Variants in NUMB observed in about 807,000 individuals in gnomAD.
NUMB encodes protein numb homolog.
NUMB carries 29 observed loss-of-function variants against 59.7 expected under a neutral mutation model. The observed-to-expected ratio is 0.49, with a 90% CI of 0.36 to 0.66. The LOEUF is 0.66. Among genes scored for constraint, NUMB ranks in the 30% least tolerant of loss-of-function variants. The pLI is 0.00. For missense variants in NUMB, 723 were observed against 822.0 expected (o/e 0.88, Z 1.47); for synonymous variants, 288 against 288.2 (o/e 1.00, Z 0.01).
At chr14:73,391,089 A>C (rs1043583807) in intron 2 of NUMB, among the ~76,000 whole-genome samples, 1 of 151,972 alleles carries the variant, frequency 6.6e-6, no homozygotes, top group East Asian at 1.9e-4. Context: ...TTTTTCTGCT[A>C]TATTAGATAC....
At chr14:73,401,300 G>T (rs1896399436) in intron 2 of NUMB, among the ~76,000 whole-genome samples, 1 of 151,988 alleles carries the variant, frequency 6.6e-6, no homozygotes, top group African/African-American at 2.4e-5. Flanking sequence ...GAAAGGCTGT[G>T]GGTTTGTGGG....
At chr14:73,340,819 C>T (rs1346308061) in intron 4 of NUMB, among the ~76,000 whole-genome samples, 1 of 152,140 alleles carries the variant, frequency 6.6e-6, no homozygotes, top group African/African-American at 2.4e-5. Flanking sequence ...CTCTGTGTCC[C>T]CACTGAAATC....
At chr14:73,278,058 A>AAAG (rs1555367154) in intron 12 of NUMB, among the ~76,000 whole-genome samples, 1 of 150,572 alleles carries the variant, frequency 6.6e-6, no homozygotes, top group East Asian at 1.9e-4. Flanking sequence ...AAAAAAAAAA[A>AAAG]AAAAAAAAAA....
At chr14:73,404,936 T>A (rs1896589862) in intron 2 of NUMB, among the ~76,000 whole-genome samples, 1 of 152,090 alleles carries the variant, frequency 6.6e-6, no homozygotes, top group African/African-American at 2.4e-5. Flanking sequence ...AATTTTTATA[T>A]TTTCAGTAGA....
At chr14:73,350,574 G>T (rs1294453425) in intron 4 of NUMB, among the ~76,000 whole-genome samples, 2 of 151,156 alleles carry the variant, frequency 1.3e-5, no homozygotes, top group African/African-American at 2.4e-5. Context: ...TTGAGACAGG[G>T]TCTCGCTCTG....
chr14:73,278,830 C>A (rs768197517), intron 12 of NUMB, among the ~76,000 whole-genome samples: 1 of 145,090 alleles, frequency 6.9e-6, no homozygotes, highest in Non-Finnish European at 1.5e-5. Context: ...CAGGTTCAAG[C>A]GATTCTCCTG....
intron 1 of NUMB, among the ~76,000 whole-genome samples, chr14:73,424,615 A>T (rs1897501891): frequency 2.0e-5 from 3 of 152,208 alleles, no homozygotes; most frequent in Admixed American, 2.0e-4. Context: ...GGAAAAAAGG[A>T]AGTGGCATGT....
intron 4 of NUMB, among the ~76,000 whole-genome samples, chr14:73,323,432 A>G (rs1184017946): frequency 6.6e-6 from 1 of 152,248 alleles, no homozygotes; most frequent in Non-Finnish European, 1.5e-5. Flanking sequence ...CAGATAATGT[A>G]ACTTTACATA....
At chr14:73,372,541 C>T (rs1010682120) in intron 2 of NUMB, among the ~76,000 whole-genome samples, 2 of 149,974 alleles carry the variant, frequency 1.3e-5, no homozygotes, top group African/African-American at 4.9e-5. Context: ...TTAAAAACCA[C>T]AACTTCCAAT....
At chr14:73,411,461 C>T (rs556277895) in intron 1 of NUMB, among the ~76,000 whole-genome samples, 1 of 152,184 alleles carries the variant, frequency 6.6e-6, no homozygotes, top group Admixed American at 6.6e-5. Flanking sequence ...GCTCACACAC[C>T]TTCCAGGAGA....
intron 2 of NUMB, among the ~76,000 whole-genome samples, chr14:73,388,997 G>C (rs1261402306): frequency 2.0e-5 from 3 of 151,812 alleles, no homozygotes; most frequent in Admixed American, 2.0e-4. Context: ...TACCAGAGAG[G>C]CTGCGGCAGA....
Position 73,326,708 on chromosome 14 carries a change from GCCTGAGA to G in NUMB, c.127-3511_127-3505del, listed in dbSNP as rs149850776. 6.8e-3 allele frequency among the ~76,000 whole-genome samples: 1,035 copies of G among 152,186 alleles called. 4 individuals are homozygous for G. Among genetic ancestry groups the G allele is most frequent in the South Asian group, 0.03 (143 of 4,808 alleles). On this transcript the variant is annotated intron_variant, in intron 4 of 12. Coordinates refer to ENST00000555238, the MANE Select transcript of NUMB (RefSeq NM_001005743.2). ...CACAGAAAGTGAGTAAGAACTTGTA[GCCTGAGA>G]CCTAACTGGACTGACTGGCATAGGA... is the stretch of plus-strand genomic sequence containing the variant.
intron 1 of NUMB, among the ~76,000 whole-genome samples, chr14:73,419,155 G>A (rs541986110): frequency 2.0e-5 from 3 of 152,194 alleles, no homozygotes; most frequent in South Asian, 4.1e-4. Flanking sequence ...AAATTCCTAC[G>A]TAAATTATCT....
rs1893429441 is a variant in NUMB, at chr14:73,352,513, TATATATATATATA to T, written c.126+3100_126+3112del. 1.3e-3 allele frequency among the ~76,000 whole-genome samples: 32 copies of T among 23,928 alleles called. 4 individuals are homozygous for T. The highest frequency in any genetic ancestry group is 2.0e-3 in the Non-Finnish European group (26 of 13,056). The allele number at this position is 23,928 out of a possible 152,430, so 15.7% of individuals were successfully genotyped here. A position where few individuals can be genotyped will look rare whatever the true frequency, so the allele number is the denominator to read the frequency against. ...ATATATATATATATATATATATATATATATATATATATATATGTTTTTTTTTTTTTTTTTTTTT... is the reference window on the plus strand; with the variant it reads ...ATATATATATATATATATATATATATTATGTTTTTTTTTTTTTTTTTTTTT... On this transcript the variant is annotated intron_variant, in intron 4 of 12. Transcript: ENST00000555238.
chr14:73,440,922 G>A (rs1331713395), intron 1 of NUMB, among the ~76,000 whole-genome samples: 1 of 144,122 alleles, frequency 6.9e-6, no homozygotes, highest in East Asian at 2.0e-4. Flanking sequence ...AACACAGGGA[G>A]ATCCCTGTGT....
intron 1 of NUMB, among the ~76,000 whole-genome samples, chr14:73,432,267 C>T (rs1897866350): frequency 6.6e-6 from 1 of 151,914 alleles, no homozygotes; most frequent in Non-Finnish European, 1.5e-5. Flanking sequence ...GGCTTCACCA[C>T]ACTAGATATC....
rs551591893 is a variant in NUMB, at chr14:73,276,271, T to G, written c.*307A>C. 3.4e-6 allele frequency: 1 copy of G among 289,980 alleles called. No individual in the cohort carries two copies. The highest frequency in any genetic ancestry group is 6.5e-5 in the South Asian group (1 of 15,456). 18.0% of individuals were successfully genotyped at this position (289,980 alleles called of 1,614,324 possible). Reference sequence around the variant, plus strand: ...TCAGTAAATGTGCTTGGAATATAGATTCTTGTTCAGATACTTTGCCTCTCT... The same window carrying G: ...TCAGTAAATGTGCTTGGAATATAGAGTCTTGTTCAGATACTTTGCCTCTCT... On this transcript the variant is annotated 3_prime_UTR_variant, in exon 13 of 13. Coordinates refer to ENST00000555238, the MANE Select transcript of NUMB (RefSeq NM_001005743.2).
intron 4 of NUMB, among the ~76,000 whole-genome samples, chr14:73,352,454 AC>A (rs2140007508): frequency 3.9e-5 from 1 of 25,620 alleles, no homozygotes; most frequent in South Asian, 1.4e-3. Context: ...ACACACACAC[AC>A]ACATACACAC....
intron 1 of NUMB, among the ~76,000 whole-genome samples, chr14:73,429,380 T>C (rs550477100): frequency 6.6e-6 from 1 of 151,776 alleles, no homozygotes; most frequent in Admixed American, 6.6e-5. Context: ...TCAAAATAAA[T>C]AAATAAATTT....
Sources: allele counts gnomAD v4.1 joint callset (sites outside exome capture counted in the v4.1 genomes callset), GRCh38; gene constraint gnomAD v4.1.1; transcripts MANE v1.5; gene names NCBI Gene and HGNC (gene_info 2026-07-23, HGNC 2026-07-21).